Variants in LRMDA observed in about 807,000 individuals in gnomAD.
LRMDA encodes the protein leucine-rich melanocyte differentiation-associated protein.
In LRMDA, 18 loss-of-function variants were observed where a neutral mutation model predicts 29.8. The observed-to-expected ratio is 0.60, with a 90% confidence interval of 0.42 to 0.90. The LOEUF (loss-of-function observed/expected upper bound fraction) is 0.90, where lower values mean the gene tolerates loss of function less well. Among genes scored for constraint, LRMDA ranks in the 40% least tolerant of loss-of-function variants. The pLI, the probability that LRMDA is intolerant of heterozygous loss-of-function variation, is 0.00. For missense variants in LRMDA, 273 were observed against 273.9 expected (o/e 1.00, Z 0.02); for synonymous variants, 125 against 109.4 (o/e 1.14, Z -0.89).
At chr10:75,634,065 A>G (rs893669249) in intron 2 of LRMDA, among the ~76,000 whole-genome samples, 3 of 152,248 alleles carry the variant, frequency 2.0e-5, no homozygotes, top group Middle Eastern at 3.2e-3. Flanking sequence ...GTCAAAGGAG[A>G]AAACCAAATT....
intron 5 of LRMDA, among the ~76,000 whole-genome samples, chr10:76,291,710 G>T (rs1339691424): frequency 1.3e-5 from 2 of 151,908 alleles, no homozygotes; most frequent in Non-Finnish European, 2.9e-5. Context: ...AGAGGGAAAT[G>T]CTGCTATTAT....
chr10:76,091,950 G>A (rs958436268), intron 5 of LRMDA, among the ~76,000 whole-genome samples: 4 of 152,162 alleles, frequency 2.6e-5, no homozygotes, highest in Admixed American at 1.3e-4. Context: ...GCCTTTCAAA[G>A]TGTTGGGATT....
intron 5 of LRMDA, among the ~76,000 whole-genome samples, chr10:76,200,474 A>T (rs1851405644): frequency 2.6e-5 from 4 of 152,148 alleles, no homozygotes; most frequent in Admixed American, 2.6e-4. Context: ...TTCTGATGCC[A>T]TTCATCGATC....
intron 6 of LRMDA, among the ~76,000 whole-genome samples, chr10:76,442,184 T>C (rs894892970): frequency 4.6e-5 from 7 of 152,148 alleles, no homozygotes; most frequent in African/African-American, 1.7e-4. Flanking sequence ...TGCTAACCCT[T>C]GGTTTTACGC....
intron 4 of LRMDA, among the ~76,000 whole-genome samples, chr10:76,048,803 C>T (rs1377668975): frequency 6.6e-6 from 1 of 152,182 alleles, no homozygotes; most frequent in Non-Finnish European, 1.5e-5. Context: ...TTTTTTCTCA[C>T]TTCTTCATGT....
chr10:76,259,746 T>G (rs1191501226), intron 5 of LRMDA, among the ~76,000 whole-genome samples: 2 of 152,168 alleles, frequency 1.3e-5, no homozygotes, highest in African/African-American at 4.8e-5. Flanking sequence ...TATATGTATA[T>G]ATCAGTGTTC....
At chr10:76,382,199 G>A (rs773127679) in intron 6 of LRMDA, among the ~76,000 whole-genome samples, 2 of 152,094 alleles carry the variant, frequency 1.3e-5, no homozygotes, top group South Asian at 2.1e-4. Flanking sequence ...ACATTCTTAC[G>A]CACATGTACA....
chr10:75,803,836 C>CT (rs946201461), intron 2 of LRMDA, among the ~76,000 whole-genome samples: 6 of 146,448 alleles, frequency 4.1e-5, no homozygotes, highest in African/African-American at 1.7e-4. Flanking sequence ...AACCACTGCA[C>CT]GCAGTCTCTT....
chr10:75,662,343 G>A (rs920097786), intron 2 of LRMDA, among the ~76,000 whole-genome samples: 11 of 152,136 alleles, frequency 7.2e-5, no homozygotes, highest in South Asian at 2.1e-4. Context: ...GATCATAGAC[G>A]GATGCTACTA....
intron 2 of LRMDA, among the ~76,000 whole-genome samples, chr10:75,973,021 A>ACAGCAG (rs3042539): frequency 0.023 from 3,404 of 148,934 alleles, 55 homozygotes; most frequent in African/African-American, 0.042. Flanking sequence ...CACTTTAACA[A>ACAGCAG]CAGCAGCAGC....
chr10:76,410,397 C>G (rs996964404), intron 6 of LRMDA, among the ~76,000 whole-genome samples: 1 of 145,062 alleles, frequency 6.9e-6, no homozygotes, highest in African/African-American at 2.6e-5. Flanking sequence ...CAGTATCAAC[C>G]TCTTGGTCTC....
intron 4 of LRMDA, among the ~76,000 whole-genome samples, chr10:76,058,120 A>G (rs1848645409): frequency 6.6e-6 from 1 of 152,204 alleles, no homozygotes; most frequent in South Asian, 2.1e-4. Flanking sequence ...AAATAACCAC[A>G]TGTATTATCG....
intron 2 of LRMDA, among the ~76,000 whole-genome samples, chr10:75,761,765 C>G (rs1589191363): frequency 6.7e-6 from 1 of 149,662 alleles, no homozygotes; most frequent in Non-Finnish European, 1.5e-5. Flanking sequence ...AAGAAAGATA[C>G]AAATTCCCTG....
intron 5 of LRMDA, among the ~76,000 whole-genome samples, chr10:76,184,471 C>T (rs369052201): frequency 2.6e-5 from 4 of 152,236 alleles, no homozygotes; most frequent in East Asian, 1.9e-4. Context: ...AAAATGTGTC[C>T]GACACAGCAG....
At chr10:76,053,604 A>G (rs549318855) in intron 4 of LRMDA, among the ~76,000 whole-genome samples, 1 of 152,310 alleles carries the variant, frequency 6.6e-6, no homozygotes, top group East Asian at 1.9e-4. Context: ...TCCCAGGACC[A>G]TGAAAGGACA....
chr10:76,118,722 A>C (rs1189239177), intron 5 of LRMDA, among the ~76,000 whole-genome samples: 1 of 152,138 alleles, frequency 6.6e-6, no homozygotes, highest in African/African-American at 2.4e-5. Context: ...TGCATTAAAA[A>C]CATCACAATC....
At chr10:75,618,933 C>T (rs189200211) in intron 2 of LRMDA, among the ~76,000 whole-genome samples, 1 of 151,866 alleles carries the variant, frequency 6.6e-6, no homozygotes, top group Admixed American at 6.6e-5. Flanking sequence ...CAGGTGCGTG[C>T]CACCACTCCT....
At chr10:75,992,261 C>T (rs150172590) in intron 2 of LRMDA, among the ~76,000 whole-genome samples, 56 of 152,282 alleles carry the variant, frequency 3.7e-4, no homozygotes, top group African/African-American at 1.3e-3. Flanking sequence ...TGAATGGTGC[C>T]ATCCCTAGAG....
At chr10:76,288,126 T>A (rs1840295026) in intron 5 of LRMDA, among the ~76,000 whole-genome samples, 1 of 152,182 alleles carries the variant, frequency 6.6e-6, no homozygotes, top group Admixed American at 6.6e-5. Context: ...TGGAAAAAAG[T>A]CAGTTTTTGA....
Sources: allele counts gnomAD v4.1 joint callset (sites outside exome capture counted in the v4.1 genomes callset), GRCh38; gene constraint gnomAD v4.1.1; transcripts MANE v1.5; gene names NCBI Gene and HGNC (gene_info 2026-07-23, HGNC 2026-07-21).